OR1J2: variants seen among roughly 807,000 people sequenced by gnomAD.
OR1J2 encodes the protein olfactory receptor family 1 subfamily J member 2.
For missense variants in OR1J2, 304 were observed against 246.1 expected (o/e 1.24, Z -1.57); for synonymous variants, 142 against 99.7 (o/e 1.42, Z -2.52).
the OR1J2 span, among the ~76,000 whole-genome samples, chr9:122,463,986 T>G: frequency 6.6e-6 from 1 of 151,972 alleles, no homozygotes; most frequent in Non-Finnish European, 1.5e-5. Context: ...AGGCAGGGGG[T>G]GGGGCCATAG....
chr9:122,537,603 T>A, the OR1J2 span, among the ~76,000 whole-genome samples: 4 of 152,204 alleles, frequency 2.6e-5, no homozygotes, highest in Admixed American at 6.5e-5. Flanking sequence ...TGATAGGAAC[T>A]GCATCAAATC....
the OR1J2 span, among the ~76,000 whole-genome samples, chr9:122,522,431 T>A: frequency 6.6e-6 from 1 of 152,282 alleles, no homozygotes; most frequent in African/African-American, 2.4e-5. Context: ...GACATGGAAA[T>A]TTTAAGAGTA....
chr9:122,574,385 TA>T, the OR1J2 span, among the ~76,000 whole-genome samples: 1 of 152,196 alleles, frequency 6.6e-6, no homozygotes, highest in Admixed American at 6.5e-5. Context: ...GGTTTTGTGG[TA>T]ACCCTTGTGT....
chr9:122,579,498 G>A, the OR1J2 span, among the ~76,000 whole-genome samples: 2 of 152,130 alleles, frequency 1.3e-5, no homozygotes, highest in African/African-American at 4.8e-5. Context: ...GAAATTTCAG[G>A]TTGTCAACTA....
chr9:122,456,429 CAG>C, the OR1J2 span, among the ~76,000 whole-genome samples: 2 of 152,172 alleles, frequency 1.3e-5, no homozygotes, highest in African/African-American at 4.8e-5. Context: ...TCTGCCAAGA[CAG>C]GGGAACAGTT....
At chr9:122,544,446 G>T in the OR1J2 span, among the ~76,000 whole-genome samples, 2 of 101,118 alleles carry the variant, frequency 2.0e-5, no homozygotes, top group Non-Finnish European at 1.8e-5. Context: ...TTGAGATGGA[G>T]TTTCACTCTT....
chr9:122,524,940 A>C, the OR1J2 span, among the ~76,000 whole-genome samples: 1 of 152,198 alleles, frequency 6.6e-6, no homozygotes, highest in East Asian at 1.9e-4. Flanking sequence ...GTCCATTGCC[A>C]GTTCAAATGA....
the OR1J2 span, among the ~76,000 whole-genome samples, chr9:122,483,593 T>C: frequency 6.6e-6 from 1 of 152,192 alleles, no homozygotes; most frequent in African/African-American, 2.4e-5. Context: ...AAAAAGTATT[T>C]AAAAAGGTAT....
At chr9:122,553,396 T>G in the OR1J2 span, 3 of 1,614,020 alleles carry the variant, frequency 1.9e-6, no homozygotes, top group East Asian at 4.5e-5. Flanking sequence ...CATACTCCCA[T>G]GTACTTCTTT....
the OR1J2 span, among the ~76,000 whole-genome samples, chr9:122,535,420 G>A: frequency 1.3e-5 from 2 of 152,136 alleles, no homozygotes; most frequent in Admixed American, 1.3e-4. Flanking sequence ...TCCCTAGTCT[G>A]TGACAGGCAC....
At chr9:122,487,130 G>C in the OR1J2 span, among the ~76,000 whole-genome samples, 1 of 151,888 alleles carries the variant, frequency 6.6e-6, no homozygotes, top group Admixed American at 6.5e-5. Context: ...TTATTGAAAA[G>C]AATATGTAGT....
chr9:122,507,019 G>T (rs1828533193), upstream of OR1J2, among the ~76,000 whole-genome samples: 2 of 152,160 alleles, frequency 1.3e-5, no homozygotes, highest in African/African-American at 4.8e-5. Context: ...TTATTCAACT[G>T]CCAACATTTG....
chr9:122,521,743 T>C, the OR1J2 span, among the ~76,000 whole-genome samples: 1 of 152,236 alleles, frequency 6.6e-6, no homozygotes, highest in African/African-American at 2.4e-5. Flanking sequence ...GCTATAGTGA[T>C]GTGATCTGTA....
chr9:122,457,319 T>C, the OR1J2 span, among the ~76,000 whole-genome samples: 1 of 152,022 alleles, frequency 6.6e-6, no homozygotes, highest in African/African-American at 2.4e-5. Context: ...CAAACCACCA[T>C]GGCACACGTT....
At chr9:122,580,337 G>C in the OR1J2 span, among the ~76,000 whole-genome samples, 3 of 152,138 alleles carry the variant, frequency 2.0e-5, no homozygotes, top group Non-Finnish European at 4.4e-5. Flanking sequence ...TTTATTTCTA[G>C]CCTTCGACGT....
At chr9:122,495,062 C>T in the OR1J2 span, among the ~76,000 whole-genome samples, 1 of 152,162 alleles carries the variant, frequency 6.6e-6, no homozygotes, top group Non-Finnish European at 1.5e-5. Context: ...TGCTGTTAAT[C>T]TGATAGGTTT....
At chr9:122,571,060 T>C in the OR1J2 span, among the ~76,000 whole-genome samples, 1 of 152,230 alleles carries the variant, frequency 6.6e-6, no homozygotes, top group African/African-American at 2.4e-5. Context: ...ATTGGTGCTA[T>C]GTTTTCCTCA....
chr9:122,561,789 C>G, the OR1J2 span, among the ~76,000 whole-genome samples: 1 of 152,160 alleles, frequency 6.6e-6, no homozygotes, highest in Non-Finnish European at 1.5e-5. Context: ...GTCTGACAAC[C>G]CCTGTTGCAG....
the OR1J2 span, among the ~76,000 whole-genome samples, chr9:122,470,836 T>C: frequency 6.6e-6 from 1 of 152,220 alleles, no homozygotes; most frequent in Non-Finnish European, 1.5e-5. Context: ...AGCTTTAAGA[T>C]TTGACTGCCC....
Sources: gnomAD v4.1 joint callset for allele counts (sites outside exome capture counted in the v4.1 genomes callset) on GRCh38, gnomAD v4.1.1 for gene constraint, MANE v1.5 for transcripts, NCBI Gene and HGNC (gene_info 2026-07-23, HGNC 2026-07-21) for gene names.